TTLL8: variants seen among roughly 807,000 people sequenced by gnomAD.
The protein encoded by TTLL8 is tubulin tyrosine ligase like 8.
A neutral mutation model predicts 77.8 loss-of-function variants in TTLL8; 65 were observed. The ratio of observed to expected loss-of-function variants is 0.84; its 90% CI spans 0.68 to 1.03. The LOEUF (loss-of-function observed/expected upper bound fraction) is 1.03. Among genes scored for constraint, TTLL8 ranks in the 50% least tolerant of loss-of-function variants. The pLI is 0.00. For synonymous variants in TTLL8, 402 were observed against 422.8 expected (o/e 0.95, Z 0.60); for missense variants, 910 against 1,004.5 (o/e 0.91, Z 1.27).
intron 12 of TTLL8, among the ~76,000 whole-genome samples, chr22:50,027,306 C>G (rs1013832985): frequency 2.0e-5 from 3 of 150,886 alleles, no homozygotes; most frequent in Non-Finnish European, 2.9e-5. Flanking sequence ...GGCCAAGGTG[C>G]GTGGATTGCC....
exon 10 of TTLL8, chr22:50,033,389 G>T (rs759131767): frequency 7.3e-7 from 1 of 1,365,282 alleles, no homozygotes; most frequent in Non-Finnish European, 9.8e-7. Context: ...CTGGAAAGAG[G>T]GTGGTCTGCA....
chr22:50,046,015 A>G (rs1461657839), intron 4 of TTLL8, 45 bp from the exon 7 acceptor site: 1 of 1,307,848 alleles, frequency 7.6e-7, no homozygotes, highest in African/African-American at 1.5e-5. Context: ...AGCTCAGCTC[A>G]GCTCTGCCTC....
At chr22:50,054,639 GA>G (rs776360335), upstream of TTLL8, 1 of 211,122 alleles carries the variant, frequency 4.7e-6, no homozygotes, top group Non-Finnish European at 1.1e-5. Flanking sequence ...TTCCTGTGGG[GA>G]TAAGCAGATA....
At chr22:50,046,642 G>A (rs996152381) in intron 4 of TTLL8, among the ~76,000 whole-genome samples, 3 of 152,354 alleles carry the variant, frequency 2.0e-5, no homozygotes, top group South Asian at 2.1e-4. Flanking sequence ...TGCTGAGGCA[G>A]CCGCACCTGG....
Position 50,041,599 on chromosome 22 carries a change from C to G in TTLL8, c.830+22G>C, listed in dbSNP as rs1276512351. The G allele has an allele frequency of 7.5e-7, 1 of 1,330,916 alleles. No homozygotes were observed. The highest frequency in any genetic ancestry group is 1.5e-5 in the African/African-American group (1 of 66,388). The allele number at this position is 1,330,916 out of a possible 1,614,324, so 82.4% of individuals were successfully genotyped here. A position where few individuals can be genotyped will look rare whatever the true frequency, so the allele number is the denominator to read the frequency against. ...CTGCACTCACAGCTCCGACATGTGC[C>G]AGGGGCCTGCGTAAGTCTTACTGAA... is the stretch of plus-strand genomic sequence containing the variant. On this transcript the variant is annotated intron_variant, in intron 7 of 13. Transcript: ENST00000266182. This position sits in a 1 kb window ranked among gnomAD's most constrained non-coding sequence, Gnocchi z 4.3.
chr22:50,020,870 A>C (rs1601902038), intron 12 of TTLL8, among the ~76,000 whole-genome samples: 5 of 108,386 alleles, frequency 4.6e-5, no homozygotes, highest in Non-Finnish European at 7.5e-5. Flanking sequence ...GACGACGTGC[A>C]CTCCTCCATC....
chr22:50,054,553 G>C (rs1158615980), intron 1 of TTLL8: 1 of 226,972 alleles, frequency 4.4e-6, no homozygotes, highest in Non-Finnish European at 1.0e-5. Context: ...TCCCTAAGGG[G>C]AGCTGGGGTG....
At chr22:50,057,593 CAGGTTTGGGTTGAGCGGG>C (rs1437995552), upstream of TTLL8, among the ~76,000 whole-genome samples, 10 of 40,920 alleles carry the variant, frequency 2.4e-4, 1 homozygote, top group African/African-American at 7.9e-4. Context: ...GGTTGAGGGT[CAGGTTTGGGTTGAGCGGG>C]AGGTCTGGGT....
intron 12 of TTLL8, among the ~76,000 whole-genome samples, chr22:50,025,938 G>T (rs2061227532): frequency 6.6e-6 from 1 of 152,126 alleles, no homozygotes; most frequent in South Asian, 2.1e-4. Context: ...AGGTGGGAGT[G>T]CAAAACGCCA....
At chr22:50,024,840 C>T (rs2061222696) in intron 12 of TTLL8, among the ~76,000 whole-genome samples, 1 of 152,226 alleles carries the variant, frequency 6.6e-6, no homozygotes, top group Non-Finnish European at 1.5e-5. Context: ...CGTTCAGAGT[C>T]CCAGCAGGTT....
rs1244589079 is a variant in TTLL8, at chr22:50,023,087, C to T, written c.2204-6525G>A. 2.0e-5 allele frequency among the ~76,000 whole-genome samples: 3 copies of T among 152,172 alleles called. No individual in the cohort carries two copies. The East Asian group carries it at 5.8e-4, about 29-fold the overall frequency. On this transcript the variant is annotated intron_variant, in intron 12 of 13. Transcript: ENST00000266182. ...ACAGTGTCCATGTACAAAACCAGGG[C>T]ATTTCGCACATTTTAGCAACAAACA...
intron 12 of TTLL8, among the ~76,000 whole-genome samples, chr22:50,026,426 G>A (rs1291681880): frequency 1.7e-5 from 2 of 119,476 alleles, no homozygotes; most frequent in East Asian, 2.1e-4. Context: ...CAGAGCGGAG[G>A]GTCAGACACG....
chr22:50,058,119 G>A (rs903419905), upstream of TTLL8, among the ~76,000 whole-genome samples: 2 of 151,908 alleles, frequency 1.3e-5, no homozygotes, highest in African/African-American at 4.8e-5. This position sits in a 1 kb window ranked among gnomAD's most constrained non-coding sequence, Gnocchi z 4.2. Flanking sequence ...AAGCGCGGAC[G>A]GGCCTGGGGT....
chr22:50,030,338 C>A, intron 12 of TTLL8, 92 bp downstream of exon 13: 1 of 1,152,086 alleles, frequency 8.7e-7, no homozygotes, highest in East Asian at 8.7e-5. Context: ...GCCCTGCGCC[C>A]CGCTCTGGAG....
chr22:50,042,793 TA>T (rs1242718401), intron 6 of TTLL8, among the ~76,000 whole-genome samples: 1 of 151,988 alleles, frequency 6.6e-6, no homozygotes, highest in Non-Finnish European at 1.5e-5. Flanking sequence ...CATGAGACAC[TA>T]ATAAAGACCC....
exon 2 of TTLL8, chr22:50,050,167 C>A (rs1350315111): frequency 1.5e-6 from 2 of 1,366,604 alleles, no homozygotes; most frequent in African/African-American, 1.5e-5. Context: ...AAAAGTGGAA[C>A]TTCTTCTCTA....
At chr22:50,042,147 T>G (rs2061375505) in intron 6 of TTLL8, among the ~76,000 whole-genome samples, 1 of 152,188 alleles carries the variant, frequency 6.6e-6, no homozygotes. Flanking sequence ...ACTGATAAGT[T>G]CGACTTCATT....
rs575187595 is a variant in TTLL8, at chr22:50,033,569, C to G, written c.1040-124G>C. ...CTGCACTGGCTTTGTCCAAGGCCAGCAGGCAGCATGGTTGGTGGGGGCGAT... is the reference window on the plus strand; with the variant it reads ...CTGCACTGGCTTTGTCCAAGGCCAGGAGGCAGCATGGTTGGTGGGGGCGAT... On this transcript the variant is annotated intron_variant, in intron 9 of 13. Transcript: ENST00000266182. 400 of 852,784 alleles carry G rather than the reference C, an allele frequency of 4.7e-4. 10 individuals carry two copies. The Admixed American group carries it at 0.011, about 23-fold the overall frequency. 52.8% of individuals were successfully genotyped at this position (852,784 alleles called of 1,614,324 possible).
chr22:50,027,801 A>G, intron 12 of TTLL8: 1 of 985,488 alleles, frequency 1.0e-6, no homozygotes, highest in South Asian at 4.7e-5. Flanking sequence ...CGAGGGGCAC[A>G]TGGAGCTGGC....
Sources: allele counts gnomAD v4.1 joint callset (sites outside exome capture counted in the v4.1 genomes callset), GRCh38; gene constraint gnomAD v4.1.1; non-coding constraint Gnocchi (gnomAD v3.1); transcripts MANE v1.5; gene names NCBI Gene and HGNC (gene_info 2026-07-23, HGNC 2026-07-21).